Variants in SLC44A5 observed in about 807,000 individuals in gnomAD.
SLC44A5 encodes choline transporter-like protein 5.
SLC44A5 carries 57 observed loss-of-function variants against 101.8 expected under a neutral mutation model. The observed-to-expected ratio is 0.56, with a 90% CI of 0.45 to 0.70. SLC44A5 has a LOEUF of 0.70. Among genes scored for constraint, SLC44A5 ranks in the 30% least tolerant of loss-of-function variants. The probability of loss-of-function intolerance (pLI) is 0.00; values close to 1 mark genes in which losing one functional copy is unlikely to be tolerated. For missense variants in SLC44A5, 737 were observed against 853.1 expected (o/e 0.86, Z 1.70); for synonymous variants, 281 against 290.9 (o/e 0.97, Z 0.35).
At chr1:75,510,551 G>T (rs553179458) in intron 2 of SLC44A5, among the ~76,000 whole-genome samples, 52 of 152,072 alleles carry the variant, frequency 3.4e-4, no homozygotes, top group Non-Finnish European at 4.3e-4. Flanking sequence ...TATGAATATC[G>T]CATTCCTGAT....
At chr1:75,547,253 T>C (rs1316384297) in intron 1 of SLC44A5, among the ~76,000 whole-genome samples, 2 of 152,118 alleles carry the variant, frequency 1.3e-5, no homozygotes, top group African/African-American at 4.8e-5. Context: ...GCACAAACAA[T>C]AGCCAACACC....
chr1:75,371,597 T>A (rs1660226155), intron 3 of SLC44A5, among the ~76,000 whole-genome samples: 1 of 151,978 alleles, frequency 6.6e-6, no homozygotes, highest in African/African-American at 2.4e-5. Context: ...AGAAATAAAA[T>A]CAGATCCATC....
chr1:75,533,534 T>G (rs1489331505), intron 2 of SLC44A5, among the ~76,000 whole-genome samples: 1 of 152,134 alleles, frequency 6.6e-6, no homozygotes, highest in African/African-American at 2.4e-5. Flanking sequence ...TATACCTGAT[T>G]ACAAAACTTA....
At chr1:75,285,884 C>T (rs1652997440) in intron 5 of SLC44A5, among the ~76,000 whole-genome samples, 1 of 151,884 alleles carries the variant, frequency 6.6e-6, no homozygotes, top group Admixed American at 6.6e-5. Context: ...TGTTTTGTGG[C>T]CTATCGTATG....
At chr1:75,295,519 C>T (rs1653896601) in intron 5 of SLC44A5, among the ~76,000 whole-genome samples, 1 of 152,154 alleles carries the variant, frequency 6.6e-6, no homozygotes, top group South Asian at 2.1e-4. Flanking sequence ...TCAAAGGGAA[C>T]TTACTATGGA....
At chr1:75,385,339 G>T (rs1327344520) in intron 3 of SLC44A5, among the ~76,000 whole-genome samples, 1 of 148,366 alleles carries the variant, frequency 6.7e-6, no homozygotes, top group Non-Finnish European at 1.5e-5. Context: ...AAAGAGAGAA[G>T]AATCAAATAG....
At chr1:75,475,711 G>A (rs1322964240) in intron 2 of SLC44A5, among the ~76,000 whole-genome samples, 1 of 152,204 alleles carries the variant, frequency 6.6e-6, no homozygotes, top group Admixed American at 6.5e-5. Context: ...TTAGGGCTCA[G>A]AATATCTCAG....
the SLC44A5 span, among the ~76,000 whole-genome samples, chr1:75,702,753 C>A: frequency 4.6e-5 from 7 of 152,238 alleles, no homozygotes; most frequent in East Asian, 1.4e-3. Flanking sequence ...TTTTTGCAAT[C>A]TACTCATCTG....
chr1:75,446,220 T>A (rs1665568637), intron 2 of SLC44A5, among the ~76,000 whole-genome samples: 1 of 152,176 alleles, frequency 6.6e-6, no homozygotes, highest in Admixed American at 6.5e-5. Context: ...TTTTATAGCA[T>A]TTTGTACAAA....
At chr1:75,613,733 T>G (rs1215663070), upstream of SLC44A5, among the ~76,000 whole-genome samples, 5 of 152,246 alleles carry the variant, frequency 3.3e-5, no homozygotes, top group East Asian at 9.6e-4. Context: ...AGAGAAACTG[T>G]TAACACTTAA....
chr1:75,447,870 T>C lies in SLC44A5; in HGVS notation c.14-51249A>G, dbSNP rs575558516. Among the ~76,000 whole-genome samples, 3 of 152,306 alleles carry C rather than the reference T, an allele frequency of 2.0e-5. No homozygotes were observed. In the East Asian group the frequency reaches 5.8e-4, roughly 29 times the overall value. On this transcript the variant is annotated intron_variant, in intron 2 of 23. Transcript: ENST00000370859. Reference sequence around the variant, plus strand: ...TTTTCATTATACCTTAATGGTTTAGTAAATATAAGCAAATGATAGCACAGT... The same window carrying C: ...TTTTCATTATACCTTAATGGTTTAGCAAATATAAGCAAATGATAGCACAGT...
chr1:75,491,358 T>A (rs898555308), intron 2 of SLC44A5, among the ~76,000 whole-genome samples: 1 of 152,162 alleles, frequency 6.6e-6, no homozygotes, highest in Non-Finnish European at 1.5e-5. Context: ...CTCAGTGATG[T>A]CACTAAGATG....
chr1:75,232,986 A>G (rs543988927), intron 12 of SLC44A5, among the ~76,000 whole-genome samples: 7 of 152,300 alleles, frequency 4.6e-5, no homozygotes, highest in Non-Finnish European at 1.0e-4. Context: ...TGTCAGTCCA[A>G]ATGGTGCCGT....
In SLC44A5 at chr1:75,300,347, A is replaced by T. The variant is rs189904078; in HGVS notation, c.175+265T>A. Reference sequence around the variant, plus strand: ...TAGAATTTCAAAAGTAACAATGATTAAAAAGAAACCACAAACTTTTCTCTT... The same window carrying T: ...TAGAATTTCAAAAGTAACAATGATTTAAAAGAAACCACAAACTTTTCTCTT... On this transcript the variant is annotated intron_variant, in intron 5 of 23. Coordinates refer to ENST00000370859, the MANE Select transcript of SLC44A5 (RefSeq NM_001130058.2). 5.3e-5 allele frequency among the ~76,000 whole-genome samples: 8 copies of T among 152,312 alleles called. No homozygotes were observed. The East Asian group carries it at 1.5e-3, about 29-fold the overall frequency.
intron 2 of SLC44A5, among the ~76,000 whole-genome samples, chr1:75,413,958 C>G (rs1663453304): frequency 6.6e-6 from 1 of 152,118 alleles, no homozygotes; most frequent in Non-Finnish European, 1.5e-5. Flanking sequence ...TACTGTATTC[C>G]TTATGTTCAA....
intron 1 of SLC44A5, among the ~76,000 whole-genome samples, chr1:75,547,869 T>TA (rs1226175441): frequency 1.3e-5 from 2 of 152,128 alleles, no homozygotes; most frequent in Non-Finnish European, 2.9e-5. Context: ...TTCTTAGTCT[T>TA]AAAAAATCTG....
intron 1 of SLC44A5, among the ~76,000 whole-genome samples, chr1:75,602,488 C>G (rs1461034350): frequency 6.6e-6 from 1 of 152,132 alleles, no homozygotes; most frequent in African/African-American, 2.4e-5. Flanking sequence ...TTTATAATTT[C>G]AAGCCTATCA....
chr1:75,501,065 G>A (rs926808126), intron 2 of SLC44A5, among the ~76,000 whole-genome samples: 2 of 152,006 alleles, frequency 1.3e-5, no homozygotes, highest in African/African-American at 4.8e-5. Context: ...TCATCCTATC[G>A]TATTTTCAGA....
At chr1:75,420,631 G>C (rs1663945952) in intron 2 of SLC44A5, among the ~76,000 whole-genome samples, 1 of 152,112 alleles carries the variant, frequency 6.6e-6, no homozygotes, top group African/African-American at 2.4e-5. Flanking sequence ...CTTAGGTTTT[G>C]AGTGCTTTGA....
Sources: gnomAD v4.1 joint callset for allele counts (sites outside exome capture counted in the v4.1 genomes callset) on GRCh38, gnomAD v4.1.1 for gene constraint, MANE v1.5 for transcripts, NCBI Gene and HGNC (gene_info 2026-07-23, HGNC 2026-07-21) for gene names.